Variants in PCLO observed in about 807,000 individuals in gnomAD.
PCLO encodes the protein piccolo presynaptic cytomatrix protein.
In PCLO, 82 loss-of-function variants were observed where a neutral mutation model predicts 427.5. The observed-to-expected ratio is 0.19, with a 90% CI of 0.16 to 0.23. The LOEUF (loss-of-function observed/expected upper bound fraction) is 0.23. Ranked by LOEUF, PCLO falls within the 10% of genes least tolerant of loss-of-function variation. The pLI is 1.00. For synonymous variants in PCLO, 2,357 were observed against 2,155.4 expected (o/e 1.09, Z -2.59); for missense variants, 6,239 against 6,115.9 (o/e 1.02, Z -0.67).
At chr7:83,104,850 A>T (rs1270881159) in intron 3 of PCLO, among the ~76,000 whole-genome samples, 2 of 152,136 alleles carry the variant, frequency 1.3e-5, no homozygotes, top group Admixed American at 6.5e-5. Flanking sequence ...AGTCTTGGGC[A>T]CTGCCCTCAG....
intron 20 of PCLO, among the ~76,000 whole-genome samples, chr7:82,815,023 T>TG (rs1235570102): frequency 6.6e-6 from 1 of 152,008 alleles, no homozygotes; most frequent in Non-Finnish European, 1.5e-5. Context: ...TGTTTTGTAC[T>TG]GAAAAAAATA....
At position 82,758,430 on chromosome 7, in the gene PCLO, G is replaced by A; in HGVS notation, c.*145C>T. 1 of 577,538 alleles carries A rather than the reference G, an allele frequency of 1.7e-6. No individual in the cohort carries two copies. 35.8% of individuals were successfully genotyped at this position (577,538 alleles called of 1,614,324 possible). A position where few individuals can be genotyped will look rare whatever the true frequency, so the allele number is the denominator to read the frequency against. ...CTTTGTGTGATCCACAACAATAAAT[G>A]TACAAGGTCTTAAGTATGTTTTTGC... On this transcript the variant is annotated 3_prime_UTR_variant, in exon 25 of 25. Coordinates refer to ENST00000333891, the MANE Select transcript of PCLO (RefSeq NM_033026.6).
chr7:82,998,345 A>C (rs1210968411), intron 3 of PCLO, among the ~76,000 whole-genome samples: 1 of 151,782 alleles, frequency 6.6e-6, no homozygotes. Flanking sequence ...GCCAGGCTGA[A>C]ATATGCCAGT....
intron 22 of PCLO, among the ~76,000 whole-genome samples, chr7:82,761,730 G>T (rs1296965569): frequency 6.6e-6 from 1 of 151,504 alleles, no homozygotes; most frequent in Non-Finnish European, 1.5e-5. Flanking sequence ...CATTTATTCA[G>T]ATATGAATAA....
At chr7:83,051,942 G>GT (rs940881960) in intron 3 of PCLO, among the ~76,000 whole-genome samples, 21 of 151,884 alleles carry the variant, frequency 1.4e-4, no homozygotes, top group Non-Finnish European at 1.8e-4. Context: ...GAGAAAGGAT[G>GT]TTTTTTTTAA....
At chr7:82,786,613 T>C (rs1218398426) in intron 22 of PCLO, among the ~76,000 whole-genome samples, 1 of 152,164 alleles carries the variant, frequency 6.6e-6, no homozygotes, top group East Asian at 1.9e-4. Context: ...GTTTTGATAC[T>C]TTAAGTTCTG....
intron 3 of PCLO, among the ~76,000 whole-genome samples, chr7:83,081,740 A>T (rs1457616511): frequency 1.3e-5 from 2 of 151,788 alleles, no homozygotes; most frequent in Non-Finnish European, 3.0e-5. Context: ...TAAAATATTA[A>T]TTTTTTGTTT....
In PCLO at chr7:82,755,876, G is replaced by C. The variant is rs117865726; in HGVS notation, c.*2699C>G. The C allele has an allele frequency of 6.6e-6, 1 of 152,242 alleles. No individual in the cohort carries two copies. The highest frequency in any genetic ancestry group is 2.1e-4 in the South Asian group (1 of 4,828). 9.4% of individuals were successfully genotyped at this position (152,242 alleles called of 1,614,324 possible). On this transcript the variant is annotated 3_prime_UTR_variant, in exon 25 of 25. Coordinates refer to ENST00000333891, the MANE Select transcript of PCLO (RefSeq NM_033026.6). Reference sequence around the variant, plus strand: ...CCAGTACAACCTAGAAGTTTGGTCAGCTGCAAACTTGGCACACTGGCAGGA... The same window carrying C: ...CCAGTACAACCTAGAAGTTTGGTCACCTGCAAACTTGGCACACTGGCAGGA...
At chr7:83,139,021 T>A (rs1005108932) in intron 2 of PCLO, among the ~76,000 whole-genome samples, 2 of 152,118 alleles carry the variant, frequency 1.3e-5, no homozygotes, top group Admixed American at 6.5e-5. Flanking sequence ...CAATTCAAGT[T>A]GTTTTAAAAA....
At chr7:82,985,522 G>A (rs1796237510) in intron 3 of PCLO, among the ~76,000 whole-genome samples, 1 of 151,868 alleles carries the variant, frequency 6.6e-6, no homozygotes, top group Non-Finnish European at 1.5e-5. Context: ...ATGCTGATTA[G>A]CTCAACAAGA....
At chr7:82,951,806 A>G in intron 5 of PCLO, 50 bp downstream of exon 5, 1 of 1,546,918 alleles carries the variant, frequency 6.5e-7, no homozygotes, top group Non-Finnish European at 8.7e-7. Flanking sequence ...TGAGATGAGG[A>G]ACACCATAAT....
intron 2 of PCLO, among the ~76,000 whole-genome samples, chr7:83,147,189 A>C (rs1792017400): frequency 6.6e-6 from 1 of 152,152 alleles, no homozygotes; most frequent in Admixed American, 6.5e-5. Flanking sequence ...TATCCAAATC[A>C]TAAGAAAACA....
At chr7:82,818,650 A>G (rs1381332544) in intron 20 of PCLO, among the ~76,000 whole-genome samples, 1 of 152,158 alleles carries the variant, frequency 6.6e-6, no homozygotes, top group Non-Finnish European at 1.5e-5. Context: ...AAAAATTATA[A>G]CTCAAAAAGT....
At chr7:82,844,743 T>C (rs1792455826) in intron 13 of PCLO, among the ~76,000 whole-genome samples, 1 of 152,094 alleles carries the variant, frequency 6.6e-6, no homozygotes, top group African/African-American at 2.4e-5. Context: ...TTTGAAACAA[T>C]AGCATTGGAA....
intron 2 of PCLO, among the ~76,000 whole-genome samples, chr7:83,136,181 T>C (rs959394834): frequency 6.6e-6 from 1 of 152,066 alleles, no homozygotes; most frequent in African/African-American, 2.4e-5. Flanking sequence ...AATCAAAATA[T>C]AGTTTTGTGT....
At chr7:83,002,272 G>A (rs189507598) in intron 3 of PCLO, among the ~76,000 whole-genome samples, 13 of 150,100 alleles carry the variant, frequency 8.7e-5, no homozygotes, top group Non-Finnish European at 1.5e-4. Context: ...TTTATCATAC[G>A]GCTTCCTATT....
chr7:83,016,941 A>T (rs1788223729), intron 3 of PCLO, among the ~76,000 whole-genome samples: 1 of 152,116 alleles, frequency 6.6e-6, no homozygotes, highest in African/African-American at 2.4e-5. Flanking sequence ...GCCTTAAACC[A>T]TGTCAAGAAT....
At chr7:83,041,475 T>C (rs537170494) in intron 3 of PCLO, among the ~76,000 whole-genome samples, 49 of 152,308 alleles carry the variant, frequency 3.2e-4, no homozygotes, top group Middle Eastern at 6.8e-3. Context: ...AATTATTTAC[T>C]GTAACAGGGA....
Position 83,150,764 on chromosome 7 carries a change from A to AC in PCLO, c.1893+3983dup, listed in dbSNP as rs1198540889. The stretch of plus-strand genomic sequence containing the variant: ...AAGGAATGTTAAGTGTATCTATTTC[A>AC]CCCATACATTACGCAAGCAAAGATT... On this transcript the variant is annotated intron_variant, in intron 2 of 24. Coordinates refer to ENST00000333891, the MANE Select transcript of PCLO (RefSeq NM_033026.6). 2.6e-5 allele frequency among the ~76,000 whole-genome samples: 4 copies of AC among 152,154 alleles called. No homozygotes were observed. The East Asian group carries it at 7.7e-4, about 29-fold the overall frequency.
Sources: gnomAD v4.1 joint callset for allele counts (sites outside exome capture counted in the v4.1 genomes callset) on GRCh38, gnomAD v4.1.1 for gene constraint, MANE v1.5 for transcripts, NCBI Gene and HGNC (gene_info 2026-07-23, HGNC 2026-07-21) for gene names.